Variants in KSR2 observed in about 807,000 individuals in gnomAD.
KSR2 encodes kinase suppressor of ras 2.
A neutral mutation model predicts 107.8 loss-of-function variants in KSR2; 25 were observed. The ratio of observed to expected loss-of-function variants is 0.23; its 90% CI spans 0.17 to 0.32. The LOEUF is 0.32. Among genes scored for constraint, KSR2 ranks in the 10% least tolerant of loss-of-function variants. KSR2 has a pLI of 1.00. For missense variants in KSR2, 887 were observed against 1,268.9 expected (o/e 0.70, Z 4.57); for synonymous variants, 480 against 507.0 (o/e 0.95, Z 0.71).
At chr12:117,884,038 GA>G (rs1398117979) in intron 1 of KSR2, among the ~76,000 whole-genome samples, 2 of 152,126 alleles carry the variant, frequency 1.3e-5, no homozygotes, top group African/African-American at 4.8e-5. Flanking sequence ...GATAAAACAG[GA>G]AAATAATGCC....
chr12:117,853,050 G>A (rs1892981208), intron 3 of KSR2, among the ~76,000 whole-genome samples: 1 of 152,074 alleles, frequency 6.6e-6, no homozygotes, highest in African/African-American at 2.4e-5. Context: ...TGATCCACCG[G>A]CCTCGGCCTC....
At chr12:117,474,454 C>A (rs1010380790) in intron 17 of KSR2, among the ~76,000 whole-genome samples, 1 of 151,880 alleles carries the variant, frequency 6.6e-6, no homozygotes, top group African/African-American at 2.4e-5. Flanking sequence ...GGTGGGGGCC[C>A]TTTTCCAAGG....
chr12:117,598,680 GC>G (rs1255622244), intron 5 of KSR2, among the ~76,000 whole-genome samples: 3 of 152,030 alleles, frequency 2.0e-5, no homozygotes, highest in Admixed American at 6.6e-5. Flanking sequence ...AGGTGGTATT[GC>G]ATTGTGGTTT....
chr12:117,707,257 T>C (rs546706945), intron 4 of KSR2, among the ~76,000 whole-genome samples: 53 of 152,016 alleles, frequency 3.5e-4, no homozygotes, highest in African/African-American at 1.3e-3. Flanking sequence ...GGGGGTAAAA[T>C]AGGAAGTGAC....
At chr12:117,933,513 A>G (rs1156504514) in intron 1 of KSR2, among the ~76,000 whole-genome samples, 4 of 151,732 alleles carry the variant, frequency 2.6e-5, no homozygotes, top group African/African-American at 9.7e-5. Context: ...AATGGCATGA[A>G]CCCGGGAGGC....
Position 117,467,031 on chromosome 12 carries a change from G to A in KSR2, c.*168C>T, listed in dbSNP as rs541599776. The A allele has an allele frequency of 1.2e-5, 6 of 485,360 alleles. No homozygotes were observed. Among genetic ancestry groups the A allele is most frequent in the Non-Finnish European group, 2.2e-5 (6 of 273,940 alleles). 30.1% of individuals were successfully genotyped at this position (485,360 alleles called of 1,614,324 possible). A position where few individuals can be genotyped will look rare whatever the true frequency, so the allele number is the denominator to read the frequency against. On this transcript the variant is annotated 3_prime_UTR_variant, in exon 20 of 20. Transcript: ENST00000339824. ...ACCCTGCCCGAGGAAAAGGGCTCAA[G>A]TCTGAGGTGCAGGGAGGCCGCCGAG...
At chr12:117,538,798 A>G (rs1876240152) in intron 10 of KSR2, among the ~76,000 whole-genome samples, 1 of 152,244 alleles carries the variant, frequency 6.6e-6, no homozygotes, top group South Asian at 2.1e-4. Flanking sequence ...ATGTTGAACA[A>G]AACAGATGTA....
intron 1 of KSR2, among the ~76,000 whole-genome samples, chr12:117,862,062 CTTT>C (rs34794818): frequency 7.1e-6 from 1 of 139,884 alleles, no homozygotes; most frequent in Non-Finnish European, 1.6e-5. Context: ...ATATTATCAT[CTTT>C]TTTTTTTTTT....
intron 2 of KSR2, 32 bp from the exon 3 acceptor site, chr12:117,855,610 G>C: frequency 6.2e-7 from 1 of 1,611,556 alleles, no homozygotes; most frequent in Non-Finnish European, 8.5e-7. Context: ...GTCAACCGTG[G>C]GGCAGGAACA....
At chr12:117,958,538 G>T (rs188179383) in intron 1 of KSR2, among the ~76,000 whole-genome samples, 1 of 152,048 alleles carries the variant, frequency 6.6e-6, no homozygotes, top group African/African-American at 2.4e-5. Context: ...GAAATGATGG[G>T]GGCCGGGCAT....
chr12:117,840,790 C>T (rs1047550343), intron 3 of KSR2, among the ~76,000 whole-genome samples: 3 of 151,742 alleles, frequency 2.0e-5, no homozygotes, highest in Non-Finnish European at 2.9e-5. Flanking sequence ...ATCACGAGGT[C>T]AGGAGTTTGA....
At chr12:117,864,570 C>T (rs1039110143) in intron 1 of KSR2, among the ~76,000 whole-genome samples, 6 of 152,112 alleles carry the variant, frequency 3.9e-5, no homozygotes, top group Admixed American at 1.3e-4. Flanking sequence ...TTGGATGATT[C>T]GAACAGCAAA....
intron 14 of KSR2, among the ~76,000 whole-genome samples, chr12:117,512,447 C>T (rs4767549): frequency 0.32 from 49,303 of 152,072 alleles, 9,271 homozygotes; most frequent in South Asian, 0.54. Context: ...CTGCAGCATC[C>T]GTATCACCTG....
At chr12:117,914,447 A>AAAC (rs1895117410) in intron 1 of KSR2, among the ~76,000 whole-genome samples, 1 of 151,370 alleles carries the variant, frequency 6.6e-6, no homozygotes, top group African/African-American at 2.4e-5. Flanking sequence ...AAAAAAAGCC[A>AAAC]AACAACAACA....
At chr12:117,591,490 G>C (rs1292345225) in intron 5 of KSR2, among the ~76,000 whole-genome samples, 1 of 152,112 alleles carries the variant, frequency 6.6e-6, no homozygotes, top group Admixed American at 6.5e-5. Flanking sequence ...GGATGAGATA[G>C]AGATAGGAGA....
chr12:117,870,457 G>A (rs189414791), intron 1 of KSR2, among the ~76,000 whole-genome samples: 30 of 152,104 alleles, frequency 2.0e-4, no homozygotes, highest in African/African-American at 2.2e-4. Flanking sequence ...AAAATTAACC[G>A]GGTGTGGTGG....
chr12:117,761,328 G>T lies in KSR2; in HGVS notation c.669C>A (p.His223Gln), dbSNP rs773160329. Reference protein sequence around the residue: ...SPTPGAPVYTHVDRLTVDAYP... With the variant: ...SPTPGAPVYTQVDRLTVDAYP... ...AGGCGTCCACGGTAAGCCTGTCCAC[G>T]TGGGTGTACACAGGGGCCCCGGGAG... is the stretch of plus-strand genomic sequence containing the variant. Residue 223 changes from histidine (H) to glutamine (Q), a missense_variant, in exon 4 of 20, where the codon CAC becomes CAA. This residue lies in a region of KSR2 where 399 missense variants were observed against 479.5 expected (regional missense o/e 0.83). Transcript: ENST00000339824. 1 of 1,561,406 alleles carries T rather than the reference G, an allele frequency of 6.4e-7. No homozygotes were observed. Among genetic ancestry groups the T allele is most frequent in the Non-Finnish European group, 8.6e-7 (1 of 1,159,114 alleles).
chr12:117,793,531 G>A lies in KSR2; in HGVS notation c.473-32007C>T, dbSNP rs563068475. Among the ~76,000 whole-genome samples the A allele has an allele frequency of 5.0e-3, 169 of 33,680 alleles. 4 individuals carry two copies. The South Asian group carries it at 0.16, about 31-fold the overall frequency. The allele number at this position is 33,680 out of a possible 152,430, so 22.1% of individuals were successfully genotyped here. On this transcript the variant is annotated intron_variant, in intron 3 of 19. Transcript: ENST00000339824. ...CACCAATATGCACACATACACCAACGTGCACTCACGCCAACATGCACACTC... is the reference window on the plus strand; with the variant it reads ...CACCAATATGCACACATACACCAACATGCACTCACGCCAACATGCACACTC...
chr12:117,596,735 A>C (rs1880670731), intron 5 of KSR2, among the ~76,000 whole-genome samples: 1 of 152,198 alleles, frequency 6.6e-6, no homozygotes, highest in Non-Finnish European at 1.5e-5. Flanking sequence ...ATGAATCATG[A>C]TTAACTAAGA....
Sources: gnomAD v4.1 joint callset for allele counts (sites outside exome capture counted in the v4.1 genomes callset) on GRCh38, gnomAD v4.1.1 for gene constraint, gnomAD v4.1.1 regional missense constraint, MANE v1.5 for transcripts, NCBI Gene and HGNC (gene_info 2026-07-23, HGNC 2026-07-21) for gene names.